TXNDC11: variants seen among roughly 807,000 people sequenced by gnomAD.
TXNDC11 encodes the protein thioredoxin domain containing 11.
A neutral mutation model predicts 78.0 loss-of-function variants in TXNDC11; 68 were observed. The ratio of observed to expected loss-of-function variants is 0.87; its 90% CI spans 0.72 to 1.07. The LOEUF is 1.07. TXNDC11 is among the 50% of genes least tolerant of loss of function. The pLI is 0.00. For synonymous variants in TXNDC11, 571 were observed against 495.2 expected, an observed-to-expected ratio of 1.15 and a Z score of -2.03; for missense variants, 1,389 against 1,221.8, an observed-to-expected ratio of 1.14 and a Z score of -2.04.
intron 5 of TXNDC11, among the ~76,000 whole-genome samples, chr16:11,708,729 G>A (rs758574217): frequency 2.6e-5 from 4 of 152,158 alleles, no homozygotes; most frequent in Non-Finnish European, 5.9e-5. Flanking sequence ...TTACTCCATG[G>A]GGAAATTCTT....
At chr16:11,694,637 G>A (rs930232321) in intron 7 of TXNDC11, among the ~76,000 whole-genome samples, 10 of 152,062 alleles carry the variant, frequency 6.6e-5, no homozygotes, top group African/African-American at 2.2e-4. Context: ...TAGTAGAGAC[G>A]AGGTTTCACT....
rs895709673 is a variant in TXNDC11 at position 11,742,793 on chromosome 16, G to A, written c.-63C>T. The A allele has an allele frequency of 2.8e-4, 392 of 1,393,862 alleles. 1 individual carries two copies. Among genetic ancestry groups the A allele is most frequent in the East Asian group, 2.5e-4 (9 of 35,682 alleles). 86.3% of individuals were successfully genotyped at this position (1,393,862 alleles called of 1,614,324 possible). The stretch of plus-strand genomic sequence containing the variant: ...CGCCTCGGGCCCGAAGGCCCGGCCC[G>A]GCCCGTTGCTCCCCAATCCCGCAGC... On this transcript the variant is annotated 5_prime_UTR_variant, in exon 1 of 12. Transcript: ENST00000283033.
chr16:11,717,388 T>C (rs1295797159), intron 5 of TXNDC11, among the ~76,000 whole-genome samples: 3 of 118,376 alleles, frequency 2.5e-5, no homozygotes, highest in South Asian at 2.8e-4. Context: ...TGAGCTGAGA[T>C]CATGCCACTG....
chr16:11,688,237 A>G (rs2050617056), intron 9 of TXNDC11, 66 bp downstream of exon 9: 1 of 1,559,940 alleles, frequency 6.4e-7, no homozygotes, highest in Admixed American at 1.8e-5. Flanking sequence ...CACCCCAACA[A>G]CTGTAGTTTG....
rs33918257 is a variant in TXNDC11 at position 11,710,198 on chromosome 16, A to AT, written c.794-9635dup. On this transcript the variant is annotated intron_variant, in intron 5 of 11. Transcript: ENST00000283033. ...ACTTCCCTTGTATGCACTTCAATTAATTTTTTTTTTTTTTGGTAGCCCTCA... is the reference window on the plus strand; with the variant it reads ...ACTTCCCTTGTATGCACTTCAATTAATTTTTTTTTTTTTTTGGTAGCCCTCA... Among the ~76,000 whole-genome samples the AT allele has an allele frequency of 7.9e-4, 117 of 148,136 alleles. 1 individual carries two copies. The highest frequency in any genetic ancestry group is 3.5e-3 in the Middle Eastern group (1 of 286).
chr16:11,715,644 G>A (rs990775205), intron 5 of TXNDC11, among the ~76,000 whole-genome samples: 4 of 152,132 alleles, frequency 2.6e-5, no homozygotes, highest in South Asian at 2.1e-4. Flanking sequence ...CACCAAGCAC[G>A]GTGTGGAGCT....
chr16:11,714,160 G>T (rs1170885513), intron 5 of TXNDC11, among the ~76,000 whole-genome samples: 1 of 151,904 alleles, frequency 6.6e-6, no homozygotes, highest in African/African-American at 2.4e-5. Context: ...TCCCACCTCA[G>T]CCCCTAAGTA....
intron 10 of TXNDC11, among the ~76,000 whole-genome samples, chr16:11,685,311 AC>A (rs2050535998): frequency 6.6e-6 from 1 of 151,910 alleles, no homozygotes; most frequent in Admixed American, 6.6e-5. Context: ...TGATTGCACC[AC>A]TGCATTCCAG....
intron 5 of TXNDC11, among the ~76,000 whole-genome samples, chr16:11,704,888 C>T (rs138772392): frequency 3.3e-5 from 5 of 150,968 alleles, no homozygotes; most frequent in African/African-American, 1.2e-4. Flanking sequence ...TGAATAGGAC[C>T]GAACCAATGT....
intron 5 of TXNDC11, among the ~76,000 whole-genome samples, chr16:11,713,681 G>A (rs2051435484): frequency 6.6e-6 from 1 of 152,104 alleles, no homozygotes; most frequent in Non-Finnish European, 1.5e-5. Context: ...CTCCCAAAGT[G>A]CTGGGATTAC....
Position 11,683,783 on chromosome 16 carries a change from G to A in TXNDC11, c.2234+382C>T, listed in dbSNP as rs568024122. ...TTTTTTTTTTTTGAGGCAGAGCCTC[G>A]CTCTGTCACCCAGGTTGGAGTGCAG... On this transcript the variant is annotated intron_variant, in intron 11 of 11. Coordinates refer to ENST00000283033, the MANE Select transcript of TXNDC11 (RefSeq NM_015914.7). Among the ~76,000 whole-genome samples, 503 of 131,938 alleles carry A rather than the reference G, an allele frequency of 3.8e-3. 4 individuals carry two copies. The highest frequency in any genetic ancestry group is 0.014 in the African/African-American group (474 of 33,336). The allele number at this position is 131,938 out of a possible 152,430, so 86.6% of individuals were successfully genotyped here.
At chr16:11,716,199 G>T (rs959428077) in intron 5 of TXNDC11, among the ~76,000 whole-genome samples, 2 of 152,220 alleles carry the variant, frequency 1.3e-5, no homozygotes, top group Non-Finnish European at 2.9e-5. Flanking sequence ...TCCCTAGACT[G>T]CACTGCAAGT....
At chr16:11,719,022 T>G (rs1219526929) in intron 5 of TXNDC11, among the ~76,000 whole-genome samples, 1 of 152,200 alleles carries the variant, frequency 6.6e-6, no homozygotes, top group African/African-American at 2.4e-5. Flanking sequence ...TGCCTCTTAT[T>G]AGAAGGGTAT....
intron 5 of TXNDC11, among the ~76,000 whole-genome samples, chr16:11,712,219 G>A (rs991558951): frequency 6.6e-6 from 1 of 152,154 alleles, no homozygotes; most frequent in Non-Finnish European, 1.5e-5. Context: ...ACCTGGGATC[G>A]AGGGATCAAA....
In TXNDC11 at chr16:11,679,257, G is replaced by C; in HGVS notation, c.2815C>G (p.Pro939Ala). ...AGTGTGGCGCTGACATTGGCAGGTG[G>C]AGGGGAGCTGCCAGGGAGCTGGGGG... Reference protein sequence around the residue: ...ATPQLPGSSPPPANVSATLVS... With the variant: ...ATPQLPGSSPAPANVSATLVS... Residue 939 changes from proline to alanine, a missense_variant, in exon 12 of 12, where the codon CCA becomes GCA. Physicochemically the swap from Pro to Ala is conservative, Grantham distance 27 (BLOSUM62 -1). Transcript: ENST00000283033. The surrounding 1 kb of genome is among the most constrained non-coding windows in gnomAD (Gnocchi z 4.6). 1.2e-6 allele frequency: 2 copies of C among 1,613,216 alleles called. No homozygotes were observed. The highest frequency in any genetic ancestry group is 1.7e-6 in the Non-Finnish European group (2 of 1,180,002).
At chr16:11,687,990 T>C in intron 9 of TXNDC11, 24 bp from the exon 10 acceptor site, 1 of 1,539,016 alleles carries the variant, frequency 6.5e-7, no homozygotes, top group Non-Finnish European at 9.0e-7. Flanking sequence ...AAGACAGATG[T>C]TACTTGCACC....
chr16:11,685,495 A>G (rs1567292138), intron 10 of TXNDC11, among the ~76,000 whole-genome samples: 1 of 151,994 alleles, frequency 6.6e-6, no homozygotes, highest in Non-Finnish European at 1.5e-5. Context: ...TAAAAATACA[A>G]AAAATTAGCT....
intron 7 of TXNDC11, 105 bp downstream of exon 7, chr16:11,698,020 C>A: frequency 9.4e-7 from 1 of 1,067,278 alleles, no homozygotes; most frequent in Admixed American, 2.0e-5. Context: ...CCCCTCGTGG[C>A]AGCCATTAGC....
chr16:11,737,955 T>C (rs2052275680), intron 1 of TXNDC11, among the ~76,000 whole-genome samples: 2 of 150,640 alleles, frequency 1.3e-5, no homozygotes, highest in South Asian at 2.1e-4. Context: ...ACGAGATATA[T>C]CTTAAATATA....
Sources: gnomAD v4.1 joint callset for allele counts (sites outside exome capture counted in the v4.1 genomes callset) on GRCh38, gnomAD v4.1.1 for gene constraint, Gnocchi (gnomAD v3.1) non-coding constraint, MANE v1.5 for transcripts, NCBI Gene and HGNC (gene_info 2026-07-23, HGNC 2026-07-21) for gene names.